The following LRP1B variants were observed in gnomAD, a reference collection of about 807,000 sequenced individuals.
The protein encoded by LRP1B is low-density lipoprotein receptor-related protein 1B.
In LRP1B, 217 loss-of-function variants were observed where a neutral mutation model predicts 556.6. That is an observed-to-expected ratio of 0.39 (90% CI 0.35 to 0.44). The LOEUF (loss-of-function observed/expected upper bound fraction) is 0.44. Among genes scored for constraint, LRP1B ranks in the 20% least tolerant of loss-of-function variants. LRP1B has a pLI of 1.00. For missense variants in LRP1B, 5,053 were observed against 5,620.8 expected (o/e 0.90, Z 3.23); for synonymous variants, 2,047 against 1,865.8 (o/e 1.10, Z -2.50).
At chr2:141,966,020 A>G (rs1435301173) in intron 1 of LRP1B, among the ~76,000 whole-genome samples, 1 of 151,786 alleles carries the variant, frequency 6.6e-6, no homozygotes, top group Non-Finnish European at 1.5e-5. Flanking sequence ...CTGGTTTTAA[A>G]TCAACACGCA....
chr2:141,741,156 T>C (rs1027151192), intron 2 of LRP1B, among the ~76,000 whole-genome samples: 3 of 151,842 alleles, frequency 2.0e-5, no homozygotes, highest in Admixed American at 6.6e-5. Flanking sequence ...ATGTTCTTTA[T>C]CAACTCATCT....
chr2:141,524,263 A>AATATATATATATATATAT (rs76874852), intron 2 of LRP1B, among the ~76,000 whole-genome samples: 2 of 148,050 alleles, frequency 1.4e-5, no homozygotes, highest in South Asian at 2.1e-4. Flanking sequence ...ATAAGCAAAG[A>AATATATATATATATATAT]ATATATATAT....
intron 41 of LRP1B, among the ~76,000 whole-genome samples, chr2:140,657,386 C>G (rs1352222297): frequency 6.6e-6 from 1 of 151,578 alleles, no homozygotes; most frequent in Non-Finnish European, 1.5e-5. Context: ...ACTTCGTATC[C>G]TAAGACCAGA....
In LRP1B at chr2:140,851,722, A is replaced by T. The variant is rs1455843158; in HGVS notation, c.4641T>A (p.Asn1547Lys). The T allele has an allele frequency of 6.2e-7, 1 of 1,610,670 alleles. No individual in the cohort carries two copies. The highest frequency in any genetic ancestry group is 1.7e-5 in the Admixed American group (1 of 59,080). ...KGPCSHMCLI[N>K]HNRSAACACP... ...ACGCACAGGCAGCACTCCTATTGTG[A>T]TTGATTAGACACATGTGAGAGCAGG... Residue 1547 changes from asparagine to lysine, a missense_variant, in exon 28 of 91, where the codon AAT (asparagine) becomes AAA (lysine). Physicochemically the swap from Asn to Lys is moderately conservative, Grantham distance 94 (BLOSUM62 0). Transcript: ENST00000389484.
At chr2:141,693,492 T>C (rs889891955) in intron 2 of LRP1B, among the ~76,000 whole-genome samples, 9 of 152,052 alleles carry the variant, frequency 5.9e-5, no homozygotes, top group Non-Finnish European at 1.0e-4. Context: ...AAATATATAA[T>C]GTATTTATCA....
chr2:141,488,746 C>G (rs573288705), intron 2 of LRP1B, among the ~76,000 whole-genome samples: 8 of 152,122 alleles, frequency 5.3e-5, no homozygotes, highest in African/African-American at 1.9e-4. Context: ...GCATGAGCCC[C>G]CATACCTAGC....
intron 41 of LRP1B, among the ~76,000 whole-genome samples, chr2:140,621,557 GA>G (rs1226271249): frequency 1.3e-5 from 2 of 151,978 alleles, no homozygotes; most frequent in African/African-American, 4.8e-5. Context: ...TTCTACCCAT[GA>G]AGCAACAGTT....
rs1479415288 is a variant in LRP1B at position 140,290,295 on chromosome 2, A to G, written c.12967+7513T>C. 2.6e-5 allele frequency among the ~76,000 whole-genome samples: 4 copies of G among 152,112 alleles called. No homozygotes were observed. The East Asian group carries it at 7.7e-4, about 29-fold the overall frequency. ...GTGTCACGTAAAAGAGGTATTAACA[A>G]TTATAGCAGATGCACTTTGGAGGCA... On this transcript the variant is annotated intron_variant, in intron 84 of 90. Transcript: ENST00000389484.
At chr2:141,285,151 G>A (rs1573753930) in intron 3 of LRP1B, among the ~76,000 whole-genome samples, 1 of 146,852 alleles carries the variant, frequency 6.8e-6, no homozygotes, top group African/African-American at 2.5e-5. Flanking sequence ...AGACTGGAGT[G>A]CAGTGGTGCA....
At chr2:141,951,223 T>C (rs1701096026) in intron 1 of LRP1B, among the ~76,000 whole-genome samples, 1 of 152,138 alleles carries the variant, frequency 6.6e-6, no homozygotes, top group Non-Finnish European at 1.5e-5. Context: ...TGGGGGTACA[T>C]ATGATTTTTG....
intron 2 of LRP1B, among the ~76,000 whole-genome samples, chr2:141,553,454 T>A (rs1324737498): frequency 6.6e-6 from 1 of 151,542 alleles, no homozygotes; most frequent in Non-Finnish European, 1.5e-5. Flanking sequence ...GTTAGCCACA[T>A]GTGCATACTG....
intron 60 of LRP1B, among the ~76,000 whole-genome samples, chr2:140,471,769 G>A (rs1321945816): frequency 6.6e-6 from 1 of 152,086 alleles, no homozygotes; most frequent in Admixed American, 6.6e-5. Context: ...TGTGACCTAA[G>A]GATAAATTCC....
chr2:141,403,823 A>G (rs1690531686), intron 3 of LRP1B, among the ~76,000 whole-genome samples: 1 of 152,100 alleles, frequency 6.6e-6, no homozygotes, highest in Admixed American at 6.5e-5. Flanking sequence ...GTATTATCTC[A>G]CATGTATGTA....
rs1348357069 is a variant in LRP1B, at chr2:141,029,315, G to A, written c.1790-9213C>T. Reference sequence around the variant, plus strand: ...CAGTGATAAGGTGGTCCCTTACTGTGACTTGTACTTATTTTCAAGGGTTTA... The same window carrying A: ...CAGTGATAAGGTGGTCCCTTACTGTAACTTGTACTTATTTTCAAGGGTTTA... On this transcript the variant is annotated intron_variant, in intron 11 of 90. Transcript: ENST00000389484. Among the ~76,000 whole-genome samples the A allele has an allele frequency of 4.6e-5, 7 of 152,238 alleles. No homozygotes were observed. The East Asian group carries it at 1.2e-3, about 25-fold the overall frequency.
intron 22 of LRP1B, 71 bp from the exon 23 acceptor site, chr2:140,903,236 T>C (rs1694154731): frequency 2.0e-6 from 3 of 1,524,436 alleles, no homozygotes; most frequent in East Asian, 4.5e-5. Context: ...ATCATTGAAC[T>C]CAATTCTCTA....
intron 66 of LRP1B, among the ~76,000 whole-genome samples, chr2:140,387,700 A>G (rs1683823302): frequency 1.3e-5 from 2 of 151,816 alleles, no homozygotes; most frequent in African/African-American, 2.4e-5. Flanking sequence ...TCTGTGTTAT[A>G]TTTAACTTTA....
At chr2:140,333,314 T>G (rs1680908168) in intron 79 of LRP1B, among the ~76,000 whole-genome samples, 1 of 152,052 alleles carries the variant, frequency 6.6e-6, no homozygotes, top group Non-Finnish European at 1.5e-5. Flanking sequence ...CTGTATAGCA[T>G]GTATAACAAT....
At chr2:141,923,478 GTGT>G (rs1700249761) in intron 1 of LRP1B, among the ~76,000 whole-genome samples, 1 of 125,736 alleles carries the variant, frequency 8.0e-6, no homozygotes, top group Admixed American at 9.0e-5. Flanking sequence ...GTGTGTGTGT[GTGT>G]GTGTGTAGAG....
At chr2:141,229,881 G>C (rs937561694) in intron 5 of LRP1B, among the ~76,000 whole-genome samples, 5 of 152,128 alleles carry the variant, frequency 3.3e-5, no homozygotes, top group Non-Finnish European at 7.3e-5. Context: ...AAGCTCATAA[G>C]CTTAAACAAA....
Sources: allele counts gnomAD v4.1 joint callset (sites outside exome capture counted in the v4.1 genomes callset), GRCh38; gene constraint gnomAD v4.1.1; transcripts MANE v1.5; gene names NCBI Gene and HGNC (gene_info 2026-07-23, HGNC 2026-07-21).